PTPRT: variants seen among roughly 807,000 people sequenced by gnomAD.
PTPRT encodes the protein receptor-type tyrosine-protein phosphatase T.
Under a neutral mutation model 176.8 loss-of-function variants are expected in PTPRT, and 56 were observed. The observed-to-expected ratio is 0.32, with a 90% CI of 0.26 to 0.40. The LOEUF (loss-of-function observed/expected upper bound fraction) is 0.40, where lower values mean the gene tolerates loss of function less well. PTPRT is among the 10% of genes least tolerant of loss of function. The pLI, the probability that PTPRT is intolerant of heterozygous loss-of-function variation, is 1.00. For synonymous variants in PTPRT, 783 were observed against 739.0 expected, an observed-to-expected ratio of 1.06 and a Z score of -0.96; for missense variants, 1,540 against 1,908.2, an observed-to-expected ratio of 0.81 and a Z score of 3.60.
chr20:42,838,264 C>T (rs995025107), intron 2 of PTPRT, among the ~76,000 whole-genome samples: 2 of 152,126 alleles, frequency 1.3e-5, no homozygotes, highest in East Asian at 1.9e-4. Flanking sequence ...GTGATCCATC[C>T]GCCTCAGCCT....
At chr20:43,094,479 A>G (rs961691382) in intron 1 of PTPRT, among the ~76,000 whole-genome samples, 2 of 127,930 alleles carry the variant, frequency 1.6e-5, no homozygotes, top group African/African-American at 6.0e-5. Context: ...GCTCACCGCA[A>G]CCTCCACCTC....
chr20:43,088,327 C>T (rs1170193821), intron 1 of PTPRT, among the ~76,000 whole-genome samples: 3 of 127,722 alleles, frequency 2.3e-5, no homozygotes, highest in South Asian at 2.9e-4. Context: ...TTTTGTTTTG[C>T]TTTGGGGTGT....
intron 7 of PTPRT, among the ~76,000 whole-genome samples, chr20:42,561,455 T>C (rs543385971): frequency 2.6e-3 from 398 of 152,318 alleles, no homozygotes; most frequent in Non-Finnish European, 3.3e-3. Flanking sequence ...CAGTGCCCCA[T>C]GCAAGCCTTG....
intron 13 of PTPRT, among the ~76,000 whole-genome samples, chr20:42,264,958 AT>A (rs1479109466): frequency 1.2e-4 from 18 of 152,168 alleles, no homozygotes; most frequent in African/African-American, 3.9e-4. Context: ...AATCTTACCA[AT>A]GGTCAGCTTG....
chr20:42,532,632 T>A (rs2072404037), intron 7 of PTPRT, among the ~76,000 whole-genome samples: 1 of 152,190 alleles, frequency 6.6e-6, no homozygotes, highest in Admixed American at 6.5e-5. Context: ...AGTCTCAAAT[T>A]CCTGGTCTTG....
chr20:42,683,928 G>C (rs3092656), intron 6 of PTPRT, among the ~76,000 whole-genome samples: 64,847 of 152,038 alleles, frequency 0.43, 14,641 homozygotes, highest in African/African-American at 0.57. Flanking sequence ...TATGTGTACT[G>C]AATGACTACC....
At chr20:42,301,155 A>C (rs1340909251) in intron 12 of PTPRT, among the ~76,000 whole-genome samples, 1 of 152,208 alleles carries the variant, frequency 6.6e-6, no homozygotes, top group Non-Finnish European at 1.5e-5. Flanking sequence ...AGTGGAGAAA[A>C]CCTTAATGGA....
chr20:42,473,628 G>A (rs1431591314), intron 7 of PTPRT, among the ~76,000 whole-genome samples: 1 of 152,058 alleles, frequency 6.6e-6, no homozygotes, highest in Non-Finnish European at 1.5e-5. Flanking sequence ...CCTACACCAT[G>A]CTTGGCTAAT....
intron 23 of PTPRT, among the ~76,000 whole-genome samples, chr20:42,108,492 A>G (rs527518977): frequency 6.6e-6 from 1 of 152,240 alleles, no homozygotes; most frequent in Non-Finnish European, 1.5e-5. Context: ...CAATATGTAT[A>G]AATTGGATGA....
chr20:42,786,645 G>A (rs972958366), intron 3 of PTPRT, among the ~76,000 whole-genome samples: 3 of 152,244 alleles, frequency 2.0e-5, no homozygotes, highest in Admixed American at 2.0e-4. Flanking sequence ...ATGGCAAATG[G>A]TATGACTGTC....
intron 11 of PTPRT, among the ~76,000 whole-genome samples, chr20:42,321,751 C>T: frequency 6.6e-6 from 1 of 152,158 alleles, no homozygotes. Flanking sequence ...TAATACCATA[C>T]TAGACACATA....
intron 23 of PTPRT, among the ~76,000 whole-genome samples, chr20:42,107,690 G>A (rs1463551958): frequency 2.6e-5 from 4 of 152,182 alleles, no homozygotes; most frequent in East Asian, 1.9e-4. Flanking sequence ...TGGGAAGGCC[G>A]GGCAGCCTGT....
At chr20:42,551,734 T>C (rs2072774707) in intron 7 of PTPRT, among the ~76,000 whole-genome samples, 1 of 152,108 alleles carries the variant, frequency 6.6e-6, no homozygotes, top group South Asian at 2.1e-4. Flanking sequence ...TGAATGGGGG[T>C]CTGGCTGACT....
At chr20:42,526,387 A>G (rs1432337544) in intron 7 of PTPRT, among the ~76,000 whole-genome samples, 2 of 152,068 alleles carry the variant, frequency 1.3e-5, no homozygotes, top group Non-Finnish European at 2.9e-5. Flanking sequence ...ATGTTTTCAG[A>G]AGTGCTCATT....
intron 1 of PTPRT, among the ~76,000 whole-genome samples, chr20:43,125,982 GAGA>G (rs1181315427): frequency 6.6e-6 from 1 of 152,222 alleles, no homozygotes; most frequent in Non-Finnish European, 1.5e-5. Flanking sequence ...AGGCATTTGG[GAGA>G]AGGTTTGTCA....
At chr20:42,945,429 G>A (rs1166646394) in intron 1 of PTPRT, among the ~76,000 whole-genome samples, 2 of 152,182 alleles carry the variant, frequency 1.3e-5, no homozygotes, top group African/African-American at 4.8e-5. Context: ...ATGTCTGCCA[G>A]GGCGTCTGCT....
intron 16 of PTPRT, among the ~76,000 whole-genome samples, chr20:42,181,187 G>C (rs1238668356): frequency 6.6e-6 from 1 of 152,120 alleles, no homozygotes; most frequent in African/African-American, 2.4e-5. Context: ...CCAGATATTG[G>C]GAAGGCTCAC....
intron 1 of PTPRT, among the ~76,000 whole-genome samples, chr20:43,062,554 T>G (rs1265672943): frequency 1.3e-5 from 2 of 152,242 alleles, no homozygotes; most frequent in East Asian, 3.8e-4. Context: ...TGTTCCTTAC[T>G]ATTAGCTCTC....
At chr20:42,634,013 TA>T (rs1219028306) in intron 7 of PTPRT, among the ~76,000 whole-genome samples, 1 of 29,036 alleles carries the variant, frequency 3.4e-5, no homozygotes, top group Non-Finnish European at 5.5e-5. Context: ...ATATATATAA[TA>T]TATATATAAT....
Sources: gnomAD v4.1 joint callset for allele counts (sites outside exome capture counted in the v4.1 genomes callset) on GRCh38, gnomAD v4.1.1 for gene constraint, MANE v1.5 for transcripts, NCBI Gene and HGNC (gene_info 2026-07-23, HGNC 2026-07-21) for gene names.